The following OR4C11 variants were observed in gnomAD, a reference collection of about 807,000 sequenced individuals.
OR4C11 encodes olfactory receptor 4C11.
A neutral mutation model predicts 14.7 loss-of-function variants in OR4C11; 15 were observed. That is an observed-to-expected ratio of 1.02 (90% CI 0.68 to 1.58). OR4C11 has a LOEUF of 1.58. Ranked by LOEUF, OR4C11 falls within the 40% of genes most tolerant of loss-of-function variation. OR4C11 has a pLI of 0.00. For synonymous variants in OR4C11, 146 were observed against 135.0 expected, an observed-to-expected ratio of 1.08 and a Z score of -0.57; for missense variants, 473 against 383.0, an observed-to-expected ratio of 1.24 and a Z score of -1.96.
chr11:55,605,753 T>A (rs964999698), intron 2 of OR4C11, among the ~76,000 whole-genome samples: 12 of 138,778 alleles, frequency 8.6e-5, no homozygotes, highest in Admixed American at 3.1e-4. Flanking sequence ...GTTCTCCTTA[T>A]TATAAAGATT....
chr11:55,606,232 T>G (rs1206724948), intron 2 of OR4C11, among the ~76,000 whole-genome samples: 1 of 136,064 alleles, frequency 7.3e-6, no homozygotes, highest in Non-Finnish European at 1.6e-5. Flanking sequence ...ACACACAAAA[T>G]TGTCCCTGAC....
Position 55,604,002 on chromosome 11 carries a change from G to A in OR4C11, c.372C>T (p.Ile124=), listed in dbSNP as rs769167605. The change falls in exon 4 of 4, where the codon ATC becomes ATT. Residue 124 remains isoleucine (I), a synonymous_variant. Transcript: ENST00000641580. The part of the protein sequence containing the change: ...ILMAVDRYVA[I]CKPLRYPTIM... ...TGGTTGGGTAACGCAAGGGCTTACA[G>A]ATGGCCACATAGCGATCAACAGCCA... is the stretch of plus-strand genomic sequence containing the variant. 2 of 1,489,566 alleles carry A rather than the reference G, an allele frequency of 1.3e-6. No homozygotes were observed. Among genetic ancestry groups the A allele is most frequent in the South Asian group, 1.2e-5 (1 of 84,580 alleles). The allele number at this position is 1,489,566 out of a possible 1,614,324, so 92.3% of individuals were successfully genotyped here.
rs1307134277 is a variant in OR4C11, at chr11:55,607,350, A to C, written c.-428T>G. 3 of 137,738 alleles carry C rather than the reference A, an allele frequency of 2.2e-5. 1 individual carries two copies. Among genetic ancestry groups the C allele is most frequent in the African/African-American group, 7.6e-5 (3 of 39,700 alleles). 8.5% of individuals were successfully genotyped at this position (137,738 alleles called of 1,614,324 possible). On this transcript the variant is annotated 5_prime_UTR_variant, in exon 1 of 4. Coordinates refer to ENST00000641580, the MANE Select transcript of OR4C11 (RefSeq NM_001004700.3). ...ATTTTTATTTCCATCTTTTCACTTTAGATTGTAAAGCACTTCTAGAAAAGT... is the reference window on the plus strand; with the variant it reads ...ATTTTTATTTCCATCTTTTCACTTTCGATTGTAAAGCACTTCTAGAAAAGT...
rs557645163 is a variant in OR4C11, at chr11:55,603,737, T to C, written c.637A>G (p.Ile213Val). 9 of 1,491,982 alleles carry C rather than the reference T, an allele frequency of 6.0e-6. 1 individual carries two copies. The African/African-American group carries it at 1.2e-4, about 20-fold the overall frequency. The allele number at this position is 1,491,982 out of a possible 1,614,324, so 92.4% of individuals were successfully genotyped here. A position where few individuals can be genotyped will look rare whatever the true frequency, so the allele number is the denominator to read the frequency against. ...AICSSSFMIL[I>V]ISYIVILHSL... ...TGCAAGATGACAATATATGAAATTATCAAAATCATGAAACTACTTGAGCAA... is the reference window on the plus strand; with the variant it reads ...TGCAAGATGACAATATATGAAATTACCAAAATCATGAAACTACTTGAGCAA... Residue 213 changes from isoleucine to valine, a missense_variant, in exon 4 of 4, where the codon ATA becomes GTA. Coordinates refer to ENST00000641580, the MANE Select transcript of OR4C11 (RefSeq NM_001004700.3).
At position 55,604,838 on chromosome 11, in the gene OR4C11, G is replaced by T. The variant is rs188869095; in HGVS notation, c.-45+288C>A. ...TGCGGTAACAGATGAAAATGTACATGACTTACTACAATAGGCTTTCACATT... is the reference window on the plus strand; with the variant it reads ...TGCGGTAACAGATGAAAATGTACATTACTTACTACAATAGGCTTTCACATT... On this transcript the variant is annotated intron_variant, in intron 3 of 3. Coordinates refer to ENST00000641580, the MANE Select transcript of OR4C11 (RefSeq NM_001004700.3). Among the ~76,000 whole-genome samples, 18 of 137,786 alleles carry T rather than the reference G, an allele frequency of 1.3e-4. 2 individuals are homozygous for T. Among genetic ancestry groups the T allele is most frequent in the African/African-American group, 4.5e-4 (18 of 39,968 alleles). The allele number at this position is 137,786 out of a possible 152,430, so 90.4% of individuals were successfully genotyped here.
Position 55,604,245 on chromosome 11 carries a change from A to C in OR4C11, c.129T>G (p.Ile43Met). 1.4e-6 allele frequency: 2 copies of C among 1,464,696 alleles called. No homozygotes were observed. Among genetic ancestry groups the C allele is most frequent in the Non-Finnish European group, 1.9e-6 (2 of 1,072,480 alleles). 90.7% of individuals were successfully genotyped at this position (1,464,696 alleles called of 1,614,324 possible). ...TCCGGCTGGACTTGATGGTCACAATAATGAGCATATTCCCCACCACAGTTC... is the reference window on the plus strand; with the variant it reads ...TCCGGCTGGACTTGATGGTCACAATCATGAGCATATTCCCCACCACAGTTC... ...YMGTVVGNMLIIVTIKSSRTL... is the reference protein window; with the variant it reads ...YMGTVVGNMLMIVTIKSSRTL... Residue 43 changes from isoleucine (I) to methionine (M), a missense_variant, in exon 4 of 4, where the codon ATT becomes ATG. Coordinates refer to ENST00000641580, the MANE Select transcript of OR4C11 (RefSeq NM_001004700.3).
Position 55,602,798 on chromosome 11 carries a change from A to G in OR4C11, c.*643T>C, listed in dbSNP as rs1322495819. On this transcript the variant is annotated 3_prime_UTR_variant, in exon 4 of 4. Coordinates refer to ENST00000641580, the MANE Select transcript of OR4C11 (RefSeq NM_001004700.3). ...AAAATACAGAACTTTTTAAATACAA[A>G]GTAGTGATAAAATGTAAATGGGCAT... 7.2e-6 allele frequency: 1 copy of G among 138,862 alleles called. No homozygotes were observed. The highest frequency in any genetic ancestry group is 2.5e-5 in the African/African-American group (1 of 40,038). 8.6% of individuals were successfully genotyped at this position (138,862 alleles called of 1,614,324 possible). A position where few individuals can be genotyped will look rare whatever the true frequency, so the allele number is the denominator to read the frequency against.
intron 1 of OR4C11, among the ~76,000 whole-genome samples, chr11:55,606,934 G>T (rs570861438): frequency 2.9e-5 from 4 of 138,186 alleles, no homozygotes; most frequent in Admixed American, 2.4e-4. Flanking sequence ...ACATAAGAAA[G>T]GGTATTTTTA....
chr11:55,604,023 A>T lies in OR4C11; in HGVS notation c.351T>A (p.Ala117=). 6.7e-7 allele frequency: 1 copy of T among 1,487,780 alleles called. No individual in the cohort carries two copies. Among genetic ancestry groups the T allele is most frequent in the Non-Finnish European group, 9.1e-7 (1 of 1,093,234 alleles). The allele number at this position is 1,487,780 out of a possible 1,614,324, so 92.2% of individuals were successfully genotyped here. Residue 117 remains alanine, a synonymous_variant, in exon 4 of 4, where the codon GCT becomes GCA. Coordinates refer to ENST00000641580, the MANE Select transcript of OR4C11 (RefSeq NM_001004700.3). ...CMEIFVLILM[A]VDRYVAICKP... is the part of the protein sequence containing the mutation. ...TACAGATGGCCACATAGCGATCAAC[A>T]GCCATGAGAATGAGGACAAAGATCT... is the stretch of plus-strand genomic sequence containing the variant.
rs1221501116 is a variant in OR4C11, at chr11:55,604,155, AG to A, written c.218del (p.Thr73IlefsTer7). 1.5e-5 allele frequency: 22 copies of A among 1,467,400 alleles called. 6 individuals carry two copies. The highest frequency in any genetic ancestry group is 2.0e-5 in the Non-Finnish European group (22 of 1,078,766). The allele number at this position is 1,467,400 out of a possible 1,614,324, so 90.9% of individuals were successfully genotyped here. On this transcript the variant is annotated frameshift_variant, in exon 4 of 4. Coordinates refer to ENST00000641580, the MANE Select transcript of OR4C11 (RefSeq NM_001004700.3). LOFTEE classifies it high-confidence loss of function. ...CCACAATTAATCTAGGGGCTGTGGA[AG>A]TTGAAAAGCAAGAATCTGCAAAGGA... The part of the protein sequence containing the change: ...YLSFADSCFS[T>X]STAPRLIVDA...
Position 55,604,317 on chromosome 11 carries a change from G to T in OR4C11, c.57C>A (p.Pro19=). Residue 19 remains proline, a synonymous_variant, in exon 4 of 4, where the codon CCC becomes CCA. Coordinates refer to ENST00000641580, the MANE Select transcript of OR4C11 (RefSeq NM_001004700.3). ...TTACAAACACTATTTTCTGCCTCAA[G>T]GGATCCTGTGTTAATCCTAACAGTA... ...EFILLGLTQD[P]LRQKIVFVIF... is the part of the protein sequence containing the mutation. 3 of 1,426,078 alleles carry T rather than the reference G, an allele frequency of 2.1e-6. 1 individual carries two copies. Among genetic ancestry groups the T allele is most frequent in the Non-Finnish European group, 2.9e-6 (3 of 1,045,984 alleles). 88.3% of individuals were successfully genotyped at this position (1,426,078 alleles called of 1,614,324 possible). A position where few individuals can be genotyped will look rare whatever the true frequency, so the allele number is the denominator to read the frequency against.
At chr11:55,604,844 C>G in intron 3 of OR4C11, among the ~76,000 whole-genome samples, 1 of 137,766 alleles carries the variant, frequency 7.3e-6, no homozygotes. Context: ...ACATGACTTA[C>G]TACAATAGGC....
Position 55,605,317 on chromosome 11 carries a change from T to C in OR4C11, c.-206-30A>G, listed in dbSNP as rs1176712738. The C allele has an allele frequency of 2.2e-5, 3 of 137,922 alleles. 1 individual carries two copies. Among genetic ancestry groups the C allele is most frequent in the Non-Finnish European group, 4.8e-5 (3 of 62,110 alleles). The allele number at this position is 137,922 out of a possible 1,614,324, so 8.5% of individuals were successfully genotyped here. A position where few individuals can be genotyped will look rare whatever the true frequency, so the allele number is the denominator to read the frequency against. ...AATGAGGAAAAAAGTGGAAGAATAA[T>C]TGACACATAAATCAGGACATTCTTT... On this transcript the variant is annotated intron_variant, in intron 2 of 3. Transcript: ENST00000641580.
In OR4C11 at chr11:55,607,380, G is replaced by A. The variant is rs561095332; in HGVS notation, c.-458C>T. The A allele has an allele frequency of 7.2e-6, 1 of 137,962 alleles. No homozygotes were observed. Among genetic ancestry groups the A allele is most frequent in the Admixed American group, 7.9e-5 (1 of 12,638 alleles). The allele number at this position is 137,962 out of a possible 1,614,324, so 8.5% of individuals were successfully genotyped here. On this transcript the variant is annotated 5_prime_UTR_variant, in exon 1 of 4. Coordinates refer to ENST00000641580, the MANE Select transcript of OR4C11 (RefSeq NM_001004700.3). ...GTAAAGCACTTCTAGAAAAGTCCTT[G>A]AATTTCCCCACCTCCCACCAGTGTC...
At position 55,604,201 on chromosome 11, in the gene OR4C11, T is replaced by A. The variant is rs768663224; in HGVS notation, c.173A>T (p.Tyr58Phe). ...KSSRTLGSPM[Y>F]FFLFYLSFAD... is the part of the protein sequence containing the mutation. ...AAAGGACAAATAAAATAGAAAGAAGTACATGGGGCTTCCTAGTGTCCGGCT... is the reference window on the plus strand; with the variant it reads ...AAAGGACAAATAAAATAGAAAGAAGAACATGGGGCTTCCTAGTGTCCGGCT... Residue 58 changes from tyrosine to phenylalanine, a missense_variant, in exon 4 of 4, where the codon TAC (tyrosine) becomes TTC (phenylalanine). Transcript: ENST00000641580. The A allele has an allele frequency of 1.4e-6, 2 of 1,480,358 alleles. No homozygotes were observed. Among genetic ancestry groups the A allele is most frequent in the Non-Finnish European group, 1.8e-6 (2 of 1,087,484 alleles). The allele number at this position is 1,480,358 out of a possible 1,614,324, so 91.7% of individuals were successfully genotyped here. A position where few individuals can be genotyped will look rare whatever the true frequency, so the allele number is the denominator to read the frequency against.
chr11:55,605,145 A>G lies in OR4C11; in HGVS notation c.-64T>C, dbSNP rs61896194. Reference sequence around the variant, plus strand: ...ATTTACCTCTGAAAATTTTCTAATTATTTTCAGTTCCAAATTCATCCTTTA... The same window carrying G: ...ATTTACCTCTGAAAATTTTCTAATTGTTTTCAGTTCCAAATTCATCCTTTA... On this transcript the variant is annotated 5_prime_UTR_variant, in exon 3 of 4. Transcript: ENST00000641580. 7.2e-6 allele frequency: 1 copy of G among 138,444 alleles called. No individual in the cohort carries two copies. The highest frequency in any genetic ancestry group is 2.3e-4 in the South Asian group (1 of 4,294). The allele number at this position is 138,444 out of a possible 1,614,324, so 8.6% of individuals were successfully genotyped here.
At chr11:55,605,876 C>T (rs865789531) in intron 2 of OR4C11, among the ~76,000 whole-genome samples, 1 of 138,548 alleles carries the variant, frequency 7.2e-6, no homozygotes, top group Middle Eastern at 3.5e-3. Flanking sequence ...TGATAAATGT[C>T]TTAACAAATA....
intron 3 of OR4C11, among the ~76,000 whole-genome samples, chr11:55,604,882 C>A (rs1448428461): frequency 7.3e-6 from 1 of 137,282 alleles, no homozygotes; most frequent in African/African-American, 2.5e-5. Context: ...CTGACAGTAC[C>A]ATTATAATAT....
At position 55,603,960 on chromosome 11, in the gene OR4C11, G is replaced by T; in HGVS notation, c.414C>A (p.Val138=). 6.7e-7 allele frequency: 1 copy of T among 1,490,100 alleles called. No homozygotes were observed. Among genetic ancestry groups the T allele is most frequent in the Non-Finnish European group, 9.1e-7 (1 of 1,096,242 alleles). 92.3% of individuals were successfully genotyped at this position (1,490,100 alleles called of 1,614,324 possible). A position where few individuals can be genotyped will look rare whatever the true frequency, so the allele number is the denominator to read the frequency against. The change falls in exon 4 of 4, where the codon GTC becomes GTA. Residue 138 remains valine (V), a synonymous_variant. Coordinates refer to ENST00000641580, the MANE Select transcript of OR4C11 (RefSeq NM_001004700.3). ...AGGCAAGAACAATCAGGATGATGCA[G>T]ACCTGCTGGCTCATGATGGTTGGGT... ...LRYPTIMSQQ[V]CIILIVLAWI...
Sources: gnomAD v4.1 joint callset for allele counts (sites outside exome capture counted in the v4.1 genomes callset) on GRCh38, gnomAD v4.1.1 for gene constraint, MANE v1.5 for transcripts, NCBI Gene and HGNC (gene_info 2026-07-23, HGNC 2026-07-21) for gene names.